The following SLC5A11 variants were observed in gnomAD, a reference collection of about 807,000 sequenced individuals.
SLC5A11 encodes solute carrier family 5 member 11.
SLC5A11 carries 48 observed loss-of-function variants against 69.8 expected under a neutral mutation model. That is an observed-to-expected ratio of 0.69 (90% CI 0.55 to 0.87). The LOEUF is 0.87. Among genes scored for constraint, SLC5A11 ranks in the 40% least tolerant of loss-of-function variants. The probability of loss-of-function intolerance (pLI) is 0.00; values close to 1 mark genes in which losing one functional copy is unlikely to be tolerated. For missense variants in SLC5A11, 784 were observed against 866.1 expected (o/e 0.91, Z 1.19); for synonymous variants, 319 against 342.4 (o/e 0.93, Z 0.75).
chr16:24,847,386 T>C (rs2059074840), intron 1 of SLC5A11, among the ~76,000 whole-genome samples: 1 of 151,214 alleles, frequency 6.6e-6, no homozygotes, highest in Non-Finnish European at 1.5e-5. Context: ...CTTTGCCTCC[T>C]CTCTCTCTCT....
chr16:24,900,650 C>T (rs1218620114), intron 10 of SLC5A11, among the ~76,000 whole-genome samples: 4 of 152,168 alleles, frequency 2.6e-5, no homozygotes, highest in African/African-American at 4.8e-5. Context: ...CAGTGGCTCA[C>T]GCCTGTAATC....
At chr16:24,877,208 C>T in intron 6 of SLC5A11, 50 bp from the exon 8 acceptor site, 1 of 1,602,270 alleles carries the variant, frequency 6.2e-7, no homozygotes, top group East Asian at 2.2e-5. Context: ...AATGTCCACT[C>T]ATTCATTCAT....
intron 3 of SLC5A11, among the ~76,000 whole-genome samples, chr16:24,866,456 T>C (rs2046922047): frequency 6.6e-6 from 1 of 151,674 alleles, no homozygotes; most frequent in African/African-American, 2.4e-5. Context: ...CATGTGCCTG[T>C]AGTCCCAGCT....
At chr16:24,854,604 G>A (rs1017935013) in intron 1 of SLC5A11, among the ~76,000 whole-genome samples, 1 of 152,000 alleles carries the variant, frequency 6.6e-6, no homozygotes, top group Non-Finnish European at 1.5e-5. Flanking sequence ...TAAAAAAATT[G>A]CATTTTTAGT....
chr16:24,895,238 C>T (rs914815073), intron 9 of SLC5A11, among the ~76,000 whole-genome samples: 5 of 152,086 alleles, frequency 3.3e-5, no homozygotes, highest in African/African-American at 7.2e-5. Flanking sequence ...CCTGTAATCC[C>T]GGCAAGTTAG....
intron 4 of SLC5A11, among the ~76,000 whole-genome samples, chr16:24,871,949 C>G (rs989789977): frequency 6.6e-6 from 1 of 152,120 alleles, no homozygotes; most frequent in Non-Finnish European, 1.5e-5. Context: ...ATCGCAAAGG[C>G]CTTCTTTTTC....
intron 6 of SLC5A11, 83 bp downstream of exon 7, chr16:24,875,814 C>A: frequency 9.1e-7 from 1 of 1,093,108 alleles, no homozygotes; most frequent in Non-Finnish European, 1.4e-6. Flanking sequence ...AGTGTCTCCT[C>A]GCTATCCCCT....
At chr16:24,899,472 C>G (rs2049424116) in intron 10 of SLC5A11, among the ~76,000 whole-genome samples, 1 of 148,286 alleles carries the variant, frequency 6.7e-6, no homozygotes, top group Non-Finnish European at 1.5e-5. Context: ...GGCACAATCT[C>G]AGCTCACTGC....
intron 10 of SLC5A11, among the ~76,000 whole-genome samples, chr16:24,901,961 C>T (rs1281339906): frequency 3.9e-5 from 5 of 127,016 alleles, no homozygotes; most frequent in South Asian, 2.6e-4. Context: ...CACACACGCA[C>T]ACACACACAC....
In SLC5A11 at chr16:24,909,829, TA is replaced by T. The variant is rs3050359; in HGVS notation, c.1651-454del. ...GGGTGACAGAACAAGAGCCTGTCTTTAAAAAAAAAAAAAAAAAAAAAAAGTA... is the reference window on the plus strand; with the variant it reads ...GGGTGACAGAACAAGAGCCTGTCTTTAAAAAAAAAAAAAAAAAAAAAAGTA... On this transcript the variant is annotated intron_variant, in intron 14 of 15. Transcript: ENST00000347898. 8.8e-3 allele frequency among the ~76,000 whole-genome samples: 917 copies of T among 103,892 alleles called. 9 individuals carry two copies. The highest frequency in any genetic ancestry group is 0.022 in the African/African-American group (561 of 25,140). The allele number at this position is 103,892 out of a possible 152,430, so 68.2% of individuals were successfully genotyped here.
chr16:24,901,958 G>GCGCACACACACACA (rs976595625), intron 10 of SLC5A11, among the ~76,000 whole-genome samples: 1 of 136,576 alleles, frequency 7.3e-6, no homozygotes, highest in African/African-American at 2.8e-5. Context: ...ACACACACAC[G>GCGCACACACACACA]CACACACACA....
chr16:24,873,370 G>T (rs954853502), intron 5 of SLC5A11, among the ~76,000 whole-genome samples: 10 of 151,912 alleles, frequency 6.6e-5, no homozygotes, highest in African/African-American at 2.4e-4. Flanking sequence ...GTGGCTCAGG[G>T]CCATAATCTC....
At chr16:24,851,867 G>A (rs115914398) in intron 1 of SLC5A11, among the ~76,000 whole-genome samples, 1,823 of 152,114 alleles carry the variant, frequency 0.012, 45 homozygotes, top group African/African-American at 0.042. Context: ...TACACTTTAC[G>A]CTTTATCACG....
At chr16:24,877,483 A>T in intron 7 of SLC5A11, 120 bp downstream of exon 8, 1 of 692,520 alleles carries the variant, frequency 1.4e-6, no homozygotes. Flanking sequence ...TATTCATTAA[A>T]CGTCACTCCT....
chr16:24,884,517 T>A (rs960903389), intron 8 of SLC5A11, among the ~76,000 whole-genome samples: 2 of 46,984 alleles, frequency 4.3e-5, no homozygotes, highest in East Asian at 5.8e-4. Flanking sequence ...TATTTTGTTT[T>A]TTTTTTTTTT....
chr16:24,889,607 C>T (rs1255798679), intron 8 of SLC5A11, among the ~76,000 whole-genome samples: 5 of 120,036 alleles, frequency 4.2e-5, no homozygotes, highest in Middle Eastern at 8.6e-3. Flanking sequence ...GGCTGGAATG[C>T]AGTGGCGCAA....
rs763483561 is a variant in SLC5A11 at position 24,858,785 on chromosome 16, C to A, written c.135+7C>A. 6.2e-7 allele frequency: 1 copy of A among 1,607,970 alleles called. No homozygotes were observed. The highest frequency in any genetic ancestry group is 8.5e-7 in the Non-Finnish European group (1 of 1,177,206). On this transcript the variant is annotated splice_region_variant and intron_variant, in intron 2 of 15. Coordinates refer to ENST00000347898, the Ensembl canonical transcript of SLC5A11. Reference sequence around the variant, plus strand: ...CCTGGCTGTTGGACTATGGGTAAGCCAGGCCACTGGGGGATGGGGGATGAA... The same window carrying A: ...CCTGGCTGTTGGACTATGGGTAAGCAAGGCCACTGGGGGATGGGGGATGAA...
chr16:24,858,073 A>G (rs2059608975), intron 1 of SLC5A11, among the ~76,000 whole-genome samples: 1 of 152,198 alleles, frequency 6.6e-6, no homozygotes, highest in African/African-American at 2.4e-5. Context: ...TAAAATGGGG[A>G]TGATAACAAT....
chr16:24,870,977 ACACTCTCGTATATAG>A (rs2047261229), intron 4 of SLC5A11, among the ~76,000 whole-genome samples: 1 of 149,430 alleles, frequency 6.7e-6, no homozygotes, highest in Non-Finnish European at 1.5e-5. Flanking sequence ...GGGATAAGAT[ACACTCTCGTATATAG>A]CAGGGCTCAT....
Sources: gnomAD v4.1 joint callset for allele counts (sites outside exome capture counted in the v4.1 genomes callset) on GRCh38, gnomAD v4.1.1 for gene constraint, MANE v1.5 for transcripts, NCBI Gene and HGNC (gene_info 2026-07-23, HGNC 2026-07-21) for gene names.